The following SOX6 variants were observed in gnomAD, a reference collection of about 807,000 sequenced individuals.
The protein encoded by SOX6 is SRY-box transcription factor 6, also known as transcription factor SOX-6.
In SOX6, 11 loss-of-function variants were observed where a neutral mutation model predicts 97.8. The ratio of observed to expected loss-of-function variants is 0.11; its 90% CI spans 0.07 to 0.19. The LOEUF (loss-of-function observed/expected upper bound fraction) is 0.19. Ranked by LOEUF, SOX6 falls within the 10% of genes least tolerant of loss-of-function variation. The probability of loss-of-function intolerance (pLI) is 1.00; values close to 1 mark genes in which losing one functional copy is unlikely to be tolerated. For missense variants in SOX6, 810 were observed against 1,039.5 expected, an observed-to-expected ratio of 0.78 and a Z score of 3.04; for synonymous variants, 360 against 371.4, an observed-to-expected ratio of 0.97 and a Z score of 0.35.
At chr11:16,675,648 A>C (rs966113162) in intron 3 of SOX6, among the ~76,000 whole-genome samples, 3 of 152,194 alleles carry the variant, frequency 2.0e-5, no homozygotes, top group African/African-American at 4.8e-5. Flanking sequence ...GGTCTACTAG[A>C]GATAAACTCA....
intron 2 of SOX6, among the ~76,000 whole-genome samples, chr11:16,335,197 A>G (rs965433953): frequency 1.1e-4 from 16 of 152,248 alleles, no homozygotes; most frequent in African/African-American, 3.9e-4. Context: ...GAAATCTCCC[A>G]TGAGTCTTCC....
intron 6 of SOX6, among the ~76,000 whole-genome samples, chr11:16,171,992 C>T (rs1162469463): frequency 6.6e-6 from 1 of 151,610 alleles, no homozygotes; most frequent in East Asian, 2.0e-4. Context: ...CATTATCCTT[C>T]AAGCAGGAGA....
chr11:16,484,009 G>A (rs1311156269), intron 4 of SOX6: 7 of 828,998 alleles, frequency 8.4e-6, no homozygotes, highest in Non-Finnish European at 1.5e-5. Context: ...CAGGAGGCAA[G>A]GTCCTCGGGC....
At chr11:16,094,030 G>T (rs1848745001) in intron 9 of SOX6, among the ~76,000 whole-genome samples, 1 of 151,742 alleles carries the variant, frequency 6.6e-6, no homozygotes, top group Non-Finnish European at 1.5e-5. Context: ...GCAGGAAAAA[G>T]GTGCAAAAAT....
At chr11:16,570,411 T>C (rs190456244) in intron 4 of SOX6, among the ~76,000 whole-genome samples, 79 of 152,278 alleles carry the variant, frequency 5.2e-4, no homozygotes, top group Non-Finnish European at 6.5e-4. Flanking sequence ...AAAAAACTTG[T>C]ATTTAAAAAG....
At chr11:16,708,589 C>A (rs529016049) in intron 3 of SOX6, among the ~76,000 whole-genome samples, 31 of 152,300 alleles carry the variant, frequency 2.0e-4, no homozygotes, top group Middle Eastern at 3.4e-3. Context: ...AGCAAGATCT[C>A]ACTAATAAAT....
intron 4 of SOX6, among the ~76,000 whole-genome samples, chr11:16,526,099 G>A (rs1374087447): frequency 8.6e-5 from 13 of 152,016 alleles, no homozygotes; most frequent in Admixed American, 2.6e-4. Flanking sequence ...ATCTAGAACT[G>A]GAAATACCAT....
Position 16,610,384 on chromosome 11 carries a change from AGC to A in SOX6, n.609+1695_609+1696del, listed in dbSNP as rs1184309390. Reference sequence around the variant, plus strand: ...CGACAAGTTTGGCTTTCCAAATACTAGCGCGTCCGTCTCTTTAAATCACAGAG... The same window carrying A: ...CGACAAGTTTGGCTTTCCAAATACTAGCGTCCGTCTCTTTAAATCACAGAG... On this transcript the variant is annotated intron_variant and non_coding_transcript_variant, in intron 4 of 5. Coordinates refer to the SOX6 transcript ENST00000524520. This position sits in a 1 kb window ranked among gnomAD's most constrained non-coding sequence, Gnocchi z 4.4. 6.6e-6 allele frequency among the ~76,000 whole-genome samples: 1 copy of A among 152,168 alleles called. No homozygotes were observed. The highest frequency in any genetic ancestry group is 6.5e-5 in the Admixed American group (1 of 15,282).
intron 1 of SOX6, among the ~76,000 whole-genome samples, chr11:16,442,617 C>T (rs1049009072): frequency 1.3e-5 from 2 of 152,070 alleles, no homozygotes; most frequent in African/African-American, 4.8e-5. Context: ...AATCATCTGA[C>T]TGACCTACAA....
intron 8 of SOX6, 118 bp downstream of exon 8, chr11:16,097,488 CCTT>C: frequency 2.4e-6 from 2 of 829,364 alleles, no homozygotes; most frequent in Non-Finnish European, 4.1e-6. Flanking sequence ...AGGTGTTAAT[CCTT>C]CTGGGCTATG....
At chr11:16,595,968 A>C (rs1218253449) in intron 4 of SOX6, among the ~76,000 whole-genome samples, 1 of 152,198 alleles carries the variant, frequency 6.6e-6, no homozygotes, top group Non-Finnish European at 1.5e-5. Context: ...TCTGAGGATT[A>C]ATTTATTTTC....
intron 3 of SOX6, among the ~76,000 whole-genome samples, chr11:16,621,628 G>T (rs1191532923): frequency 2.0e-5 from 3 of 152,134 alleles, no homozygotes; most frequent in Non-Finnish European, 4.4e-5. Context: ...CAAGAGACTA[G>T]CATAGAGTTT....
In SOX6 at chr11:16,536,560, G is replaced by A. The variant is rs564420228; in HGVS notation, n.610-60172C>T. 2.4e-4 allele frequency among the ~76,000 whole-genome samples: 37 copies of A among 152,312 alleles called. No homozygotes were observed. The South Asian group carries it at 7.0e-3, about 29-fold the overall frequency. On this transcript the variant is annotated intron_variant and non_coding_transcript_variant, in intron 4 of 5. Coordinates refer to the SOX6 transcript ENST00000524520. ...CTCCCTTTCATAGCCAAGGGAAGCCGTGACAGACAGTACCTGGAAAAACAG... is the reference window on the plus strand; with the variant it reads ...CTCCCTTTCATAGCCAAGGGAAGCCATGACAGACAGTACCTGGAAAAACAG...
At chr11:16,639,630 C>T (rs1226271973) in intron 3 of SOX6, among the ~76,000 whole-genome samples, 2 of 152,202 alleles carry the variant, frequency 1.3e-5, no homozygotes, top group Non-Finnish European at 2.9e-5. Flanking sequence ...AGGTCCTTCA[C>T]ATCCGTTTTA....
chr11:16,042,760 GT>G (rs560159350), intron 12 of SOX6, among the ~76,000 whole-genome samples: 697 of 152,240 alleles, frequency 4.6e-3, no homozygotes, highest in Middle Eastern at 0.017. Flanking sequence ...GGCAAGTAAA[GT>G]GTGATAATAG....
intron 4 of SOX6, among the ~76,000 whole-genome samples, chr11:16,506,225 A>G (rs1175626869): frequency 3.3e-5 from 5 of 152,172 alleles, no homozygotes; most frequent in African/African-American, 1.2e-4. Context: ...GAGCTGCCCA[A>G]GGTCTTGGGA....
intron 6 of SOX6, among the ~76,000 whole-genome samples, chr11:16,119,522 A>G (rs1208892458): frequency 2.6e-5 from 4 of 152,190 alleles, no homozygotes; most frequent in Non-Finnish European, 4.4e-5. Context: ...CAAATCATAA[A>G]TCATCTCTCA....
chr11:16,076,388 G>C (rs564501204), intron 9 of SOX6, among the ~76,000 whole-genome samples: 2 of 140,628 alleles, frequency 1.4e-5, no homozygotes, highest in East Asian at 4.2e-4. Context: ...AATCTATAAG[G>C]AACTTAAATC....
In SOX6 at chr11:16,447,203, TA is replaced by T. The variant is rs1565148946; in HGVS notation, c.-5+29111del. Among the ~76,000 whole-genome samples the T allele has an allele frequency of 5.3e-5, 8 of 152,256 alleles. No homozygotes were observed. The South Asian group carries it at 1.5e-3, about 28-fold the overall frequency. On this transcript the variant is annotated intron_variant, in intron 1 of 15. Transcript: ENST00000396356. ...CTTCACAAAAAATTAAAAATTACTT[TA>T]AAAAATTAAGTAATTTTTAAGCTAA...
Sources: gnomAD v4.1 joint callset for allele counts (sites outside exome capture counted in the v4.1 genomes callset) on GRCh38, gnomAD v4.1.1 for gene constraint, Gnocchi (gnomAD v3.1) non-coding constraint, MANE v1.5 for transcripts, NCBI Gene and HGNC (gene_info 2026-07-23, HGNC 2026-07-21) for gene names.